Variants in CCDC171 observed in about 807,000 individuals in gnomAD.
CCDC171 encodes coiled-coil domain-containing protein 171.
Under a neutral mutation model 168.2 loss-of-function variants are expected in CCDC171, and 177 were observed. That is an observed-to-expected ratio of 1.05 (90% CI 0.93 to 1.19). The LOEUF (loss-of-function observed/expected upper bound fraction) is 1.19. CCDC171 is among the 50% of genes most tolerant of loss of function. The pLI is 0.00. For missense variants in CCDC171, 1,991 were observed against 1,539.0 expected (o/e 1.29, Z -4.91); for synonymous variants, 687 against 540.8 (o/e 1.27, Z -3.75).
chr9:15,566,195 G>GTT (rs77870058), intron 2 of CCDC171, among the ~76,000 whole-genome samples: 17 of 145,008 alleles, frequency 1.2e-4, no homozygotes, highest in Non-Finnish European at 2.1e-4. Context: ...TTTAAATTGT[G>GTT]TTTTTTTTTT....
intron 10 of CCDC171, among the ~76,000 whole-genome samples, chr9:15,694,734 C>T (rs1461119700): frequency 2.0e-5 from 3 of 152,214 alleles, no homozygotes; most frequent in Non-Finnish European, 2.9e-5. Flanking sequence ...AGTCTCTGTC[C>T]AGTGCTTCCA....
chr9:16,088,004 C>T, the CCDC171 span, among the ~76,000 whole-genome samples: 10 of 152,036 alleles, frequency 6.6e-5, no homozygotes, highest in Non-Finnish European at 1.2e-4. Context: ...TCCAGCAGCC[C>T]GTTAAAAAGC....
chr9:15,610,298 T>C (rs983435504), intron 6 of CCDC171, among the ~76,000 whole-genome samples: 3 of 150,912 alleles, frequency 2.0e-5, no homozygotes, highest in Non-Finnish European at 2.9e-5. Flanking sequence ...CGATCATGGC[T>C]CACTGCAGCT....
At chr9:15,905,584 T>C (rs1341717958) in intron 24 of CCDC171, among the ~76,000 whole-genome samples, 1 of 152,038 alleles carries the variant, frequency 6.6e-6, no homozygotes, top group Non-Finnish European at 1.5e-5. Flanking sequence ...AGATCTAAAA[T>C]TGACATCCTA....
At position 16,053,533 on chromosome 9, in the gene CCDC171, G is replaced by T. The variant is rs117558943; in HGVS notation, n.90-7113G>T. 5.3e-4 allele frequency among the ~76,000 whole-genome samples: 80 copies of T among 152,342 alleles called. 1 individual carries two copies. The East Asian group carries it at 0.015, about 28-fold the overall frequency. Reference sequence around the variant, plus strand: ...TGAATGTTTGTTTGAGGATATGAGGGTGCATGGCACATAGGTGAAGAAGTG... The same window carrying T: ...TGAATGTTTGTTTGAGGATATGAGGTTGCATGGCACATAGGTGAAGAAGTG... On this transcript the variant is annotated intron_variant and non_coding_transcript_variant, in intron 1 of 1. Transcript: ENST00000478913.
chr9:16,032,028 T>G (rs1833371973), intron 6 of CCDC171, among the ~76,000 whole-genome samples: 1 of 152,184 alleles, frequency 6.6e-6, no homozygotes, highest in Non-Finnish European at 1.5e-5. Context: ...GAGAAACATG[T>G]TCAAAGGCCT....
chr9:15,685,524 A>C (rs1397685753), intron 10 of CCDC171, among the ~76,000 whole-genome samples: 1 of 152,078 alleles, frequency 6.6e-6, no homozygotes, highest in Non-Finnish European at 1.5e-5. Flanking sequence ...AGTTCTAGCT[A>C]CTTGGGAGGC....
chr9:15,788,588 GTT>G (rs753248504), intron 21 of CCDC171, among the ~76,000 whole-genome samples: 1 of 140,434 alleles, frequency 7.1e-6, no homozygotes, highest in African/African-American at 2.6e-5. Flanking sequence ...ATATGTTTTT[GTT>G]TTTTTTTTTT....
chr9:15,802,473 A>G (rs2058872539), intron 21 of CCDC171, among the ~76,000 whole-genome samples: 1 of 151,918 alleles, frequency 6.6e-6, no homozygotes, highest in Non-Finnish European at 1.5e-5. Context: ...ATGTGTTCTC[A>G]TTTAGCTCCC....
At chr9:15,677,389 A>G (rs759527443) in intron 9 of CCDC171, among the ~76,000 whole-genome samples, 13 of 152,064 alleles carry the variant, frequency 8.5e-5, no homozygotes, top group Non-Finnish European at 1.9e-4. Flanking sequence ...TCTGTGTTCC[A>G]CCCCAGAGAA....
Position 15,737,966 on chromosome 9 carries a change from T to G in CCDC171, c.2050-6307T>G, listed in dbSNP as rs576946630. Among the ~76,000 whole-genome samples the G allele has an allele frequency of 2.0e-5, 3 of 152,302 alleles. No homozygotes were observed. The South Asian group carries it at 6.2e-4, about 32-fold the overall frequency. ...GTCCTTATTTTTTAACAGAGAAACA[T>G]TTACATAATAGAGAAAGCAGGTGAA... On this transcript the variant is annotated intron_variant, in intron 16 of 25. Transcript: ENST00000380701.
chr9:15,614,092 C>G (rs916900067), intron 6 of CCDC171, among the ~76,000 whole-genome samples: 6 of 152,190 alleles, frequency 3.9e-5, no homozygotes, highest in African/African-American at 1.4e-4. Context: ...AAAACTCTGC[C>G]TTAGCCTTTG....
At chr9:15,786,063 C>T (rs940252876) in intron 21 of CCDC171, among the ~76,000 whole-genome samples, 8 of 151,984 alleles carry the variant, frequency 5.3e-5, no homozygotes, top group South Asian at 4.2e-4. Context: ...GAGGAATAAA[C>T]GACCAGGATG....
chr9:16,025,683 T>A (rs1156704449), intron 6 of CCDC171, among the ~76,000 whole-genome samples: 1 of 152,090 alleles, frequency 6.6e-6, no homozygotes, highest in African/African-American at 2.4e-5. Context: ...TGAAAAAAAC[T>A]AGTCACAAAA....
intron 1 of CCDC171, among the ~76,000 whole-genome samples, chr9:15,559,727 T>G (rs2039117176): frequency 6.6e-6 from 1 of 152,190 alleles, no homozygotes; most frequent in Non-Finnish European, 1.5e-5. Flanking sequence ...TTAGCCCATT[T>G]ACATTTAAAG....
intron 3 of CCDC171, among the ~76,000 whole-genome samples, chr9:15,998,874 A>G (rs922595821): frequency 2.6e-5 from 4 of 152,228 alleles, no homozygotes; most frequent in African/African-American, 9.6e-5. Context: ...CTCTTCCTCT[A>G]TCAGAACAGG....
chr9:15,855,646 A>G (rs770843120), intron 23 of CCDC171, among the ~76,000 whole-genome samples: 2 of 151,772 alleles, frequency 1.3e-5, no homozygotes, highest in Non-Finnish European at 2.9e-5. Flanking sequence ...TCTGCATTAG[A>G]TAGATCTTTG....
intron 21 of CCDC171, among the ~76,000 whole-genome samples, chr9:15,829,964 T>C (rs1160440768): frequency 6.6e-6 from 1 of 152,186 alleles, no homozygotes; most frequent in African/African-American, 2.4e-5. Context: ...TTGCTATAAT[T>C]ATGGCATAAT....
chr9:15,808,949 C>A (rs1470299100), intron 21 of CCDC171, among the ~76,000 whole-genome samples: 1 of 152,154 alleles, frequency 6.6e-6, no homozygotes, highest in South Asian at 2.1e-4. Flanking sequence ...TCATAGATGG[C>A]ACCTTCTTGC....
Sources: allele counts gnomAD v4.1 joint callset (sites outside exome capture counted in the v4.1 genomes callset), GRCh38; gene constraint gnomAD v4.1.1; transcripts MANE v1.5; gene names NCBI Gene and HGNC (gene_info 2026-07-23, HGNC 2026-07-21).